The following ACAD11 variants were observed in gnomAD, a reference collection of about 807,000 sequenced individuals.
The protein encoded by ACAD11 is acyl-Coenzyme A dehydrogenase family, member 11.
A neutral mutation model predicts 102.2 loss-of-function variants in ACAD11; 83 were observed. That is an observed-to-expected ratio of 0.81 (90% confidence interval 0.68 to 0.97). The LOEUF is 0.97. ACAD11 is among the 50% of genes least tolerant of loss of function. The pLI is 0.00. For synonymous variants in ACAD11, 324 were observed against 319.8 expected (o/e 1.01, Z -0.14); for missense variants, 901 against 951.7 (o/e 0.95, Z 0.70).
At chr3:132,587,491 C>A (rs1034102566) in intron 13 of ACAD11, among the ~76,000 whole-genome samples, 4 of 152,076 alleles carry the variant, frequency 2.6e-5, no homozygotes, top group Non-Finnish European at 5.9e-5. Context: ...TATTTCTCTT[C>A]TGATATTTCT....
intron 13 of ACAD11, among the ~76,000 whole-genome samples, chr3:132,598,434 T>C (rs111662931): frequency 6.6e-6 from 1 of 152,212 alleles, no homozygotes; most frequent in East Asian, 1.9e-4. Flanking sequence ...AGAAGCTACT[T>C]TGTGCCAGGC....
At chr3:132,571,551 C>T (rs1391057630) in intron 17 of ACAD11, among the ~76,000 whole-genome samples, 1 of 151,986 alleles carries the variant, frequency 6.6e-6, no homozygotes, top group Non-Finnish European at 1.5e-5. Flanking sequence ...TGGCTTTTGG[C>T]ATCTTCATCA....
chr3:132,623,109 G>C (rs1939667735), intron 9 of ACAD11, among the ~76,000 whole-genome samples: 1 of 152,068 alleles, frequency 6.6e-6, no homozygotes, highest in Non-Finnish European at 1.5e-5. Context: ...TCATAGATAA[G>C]GGTTATGCTC....
intron 13 of ACAD11, among the ~76,000 whole-genome samples, chr3:132,595,067 G>C (rs1401749561): frequency 6.6e-6 from 1 of 152,198 alleles, no homozygotes; most frequent in Non-Finnish European, 1.5e-5. Flanking sequence ...TGGTGCATTA[G>C]AACATGTTAA....
intron 13 of ACAD11, among the ~76,000 whole-genome samples, chr3:132,588,301 C>T (rs928046059): frequency 1.3e-5 from 2 of 152,130 alleles, no homozygotes; most frequent in African/African-American, 4.8e-5. Context: ...ACCAGACTAG[C>T]GTAGAACTCC....
At chr3:132,559,128 G>A in intron 19 of ACAD11, 43 bp from the exon 20 acceptor site, 1 of 1,337,420 alleles carries the variant, frequency 7.5e-7, no homozygotes, top group South Asian at 1.2e-5. Context: ...AGTTATGGAA[G>A]AGGAACATGA....
intron 11 of ACAD11, among the ~76,000 whole-genome samples, chr3:132,606,632 AG>A (rs1233016327): frequency 2.0e-5 from 3 of 152,222 alleles, no homozygotes; most frequent in Non-Finnish European, 4.4e-5. Flanking sequence ...AGCCCCAGTC[AG>A]GGGCTTATAG....
chr3:132,624,440 A>G lies in ACAD11; in HGVS notation c.1197+2251T>C, dbSNP rs575895144. On this transcript the variant is annotated intron_variant, in intron 9 of 19. Transcript: ENST00000264990. ...GCCAATATGGTGAAACTCCATCCCT[A>G]CTAAAAATACAAAAATTAGCCAGGC... Among the ~76,000 whole-genome samples, 7 of 151,482 alleles carry G rather than the reference A, an allele frequency of 4.6e-5. No individual in the cohort carries two copies. In the East Asian group the frequency reaches 1.4e-3, roughly 30 times the overall value.
intron 17 of ACAD11, among the ~76,000 whole-genome samples, chr3:132,573,003 G>C (rs896037799): frequency 6.6e-6 from 1 of 152,026 alleles, no homozygotes; most frequent in Non-Finnish European, 1.5e-5. Flanking sequence ...ATGGTGGTTT[G>C]CTACACTTAT....
intron 1 of ACAD11, among the ~76,000 whole-genome samples, chr3:132,656,682 C>T (rs35994006): frequency 0.038 from 5,705 of 151,926 alleles, 355 homozygotes; most frequent in African/African-American, 0.13. Context: ...TTAGTAGAGA[C>T]GGGGTTTCAC....
At chr3:132,589,726 T>C (rs571383289) in intron 13 of ACAD11, among the ~76,000 whole-genome samples, 50 of 152,314 alleles carry the variant, frequency 3.3e-4, no homozygotes, top group Middle Eastern at 3.4e-3. Flanking sequence ...CAAACTTTTA[T>C]TTTAGGTTTG....
At chr3:132,618,448 A>T (rs974605432) in intron 11 of ACAD11, 186 bp downstream of exon 11, 1 of 577,558 alleles carries the variant, frequency 1.7e-6, no homozygotes, top group Admixed American at 4.0e-5. Flanking sequence ...ATATTTAACA[A>T]AAGAATAGTC....
intron 5 of ACAD11, among the ~76,000 whole-genome samples, chr3:132,633,744 A>G (rs1032633961): frequency 6.6e-6 from 1 of 152,214 alleles, no homozygotes; most frequent in African/African-American, 2.4e-5. Context: ...GCCCTCGGAA[A>G]TAATACCACA....
chr3:132,580,109 AC>A (rs1459038436), intron 13 of ACAD11, among the ~76,000 whole-genome samples: 19 of 152,100 alleles, frequency 1.2e-4, no homozygotes, highest in African/African-American at 3.9e-4. Context: ...TGGGAAAACT[AC>A]CATTTGACTA....
chr3:132,610,326 A>G lies in ACAD11; in HGVS notation c.1415-5121T>C, dbSNP rs1233268940. ...ATCACAATTAAAAGAACTAGAGAAG[A>G]GCAAACACATTCAAAAGCTAGCAGA... On this transcript the variant is annotated intron_variant, in intron 11 of 19. Transcript: ENST00000264990. Among the ~76,000 whole-genome samples, 4 of 152,210 alleles carry G rather than the reference A, an allele frequency of 2.6e-5. No homozygotes were observed. In the East Asian group the frequency reaches 7.7e-4, roughly 29 times the overall value.
At chr3:132,590,180 T>C (rs1938018442) in intron 13 of ACAD11, among the ~76,000 whole-genome samples, 1 of 152,258 alleles carries the variant, frequency 6.6e-6, no homozygotes, top group Admixed American at 6.5e-5. Flanking sequence ...GTCTTTATGG[T>C]AGAATAATTT....
chr3:132,562,129 C>T (rs191925857), intron 17 of ACAD11, among the ~76,000 whole-genome samples: 1 of 152,222 alleles, frequency 6.6e-6, no homozygotes, highest in East Asian at 1.9e-4. Flanking sequence ...TTTTTTGAGA[C>T]AGACTGGCTC....
intron 1 of ACAD11, 128 bp from the exon 2 acceptor site, chr3:132,645,024 G>A (rs1252536510): frequency 1.1e-5 from 6 of 569,002 alleles, no homozygotes; most frequent in Admixed American, 9.8e-5. Context: ...ATCAAGAGGG[G>A]TGCTATCAGC....
At position 132,603,293 on chromosome 3, in the gene ACAD11, A is replaced by G; in HGVS notation, c.1557T>C (p.Ile519=). 6.2e-7 allele frequency: 1 copy of G among 1,614,094 alleles called. No individual in the cohort carries two copies. Among genetic ancestry groups the G allele is most frequent in the East Asian group, 2.2e-5 (1 of 44,878 alleles). The change falls in exon 13 of 20, where the codon ATT becomes ATC. Residue 519 remains isoleucine (I), a synonymous_variant. Transcript: ENST00000264990. Reference sequence around the variant, plus strand: ...CTTCATCTCGTTGGATGCTGCATTCAATATTCGTGGCATCACTTGAAGCTA... The same window carrying G: ...CTTCATCTCGTTGGATGCTGCATTCGATATTCGTGGCATCACTTGAAGCTA... ...PDVASSDATN[I]ECSIQRDEDS...
Sources: allele counts gnomAD v4.1 joint callset (sites outside exome capture counted in the v4.1 genomes callset), GRCh38; gene constraint gnomAD v4.1.1; transcripts MANE v1.5; gene names NCBI Gene and HGNC (gene_info 2026-07-23, HGNC 2026-07-21).